TEX11: variants seen among roughly 807,000 people sequenced by gnomAD.
TEX11 encodes testis expressed 11.
In TEX11, 7 loss-of-function variants were observed where a neutral mutation model predicts 84.4. That is an observed-to-expected ratio of 0.08 (90% CI 0.05 to 0.16). The LOEUF is 0.16. Ranked by LOEUF, TEX11 falls within the 10% of genes least tolerant of loss-of-function variation. TEX11 has a pLI of 1.00. For missense variants in TEX11, 551 were observed against 660.5 expected (o/e 0.83, Z 1.82); for synonymous variants, 264 against 222.8 (o/e 1.18, Z -1.64).
At chrX:70,750,930 AAAAATAT>A (rs1297640854) in intron 9 of TEX11, among the ~76,000 whole-genome samples, 1 of 36,989 alleles carries the variant, frequency 2.7e-5, no homozygotes, top group Non-Finnish European at 4.4e-5. Context: ...ATAAAAAAAA[AAAAATAT>A]ATATATATAT....
chrX:70,573,630 A>G (rs2088635026), intron 25 of TEX11, among the ~76,000 whole-genome samples: 4 of 111,518 alleles, frequency 3.6e-5, no homozygotes, highest in Admixed American at 9.6e-5. Context: ...TATTAAGCCA[A>G]TGAAGGAACC....
At chrX:70,847,688 T>C (rs2091486848) in intron 7 of TEX11, among the ~76,000 whole-genome samples, 1 of 111,384 alleles carries the variant, frequency 9.0e-6, no homozygotes, top group African/African-American at 3.3e-5. Context: ...ACCACAGGCA[T>C]GTGCCACCAT....
At chrX:70,525,960 G>A (rs200051952), downstream of TEX11, among the ~76,000 whole-genome samples, 1 of 111,338 alleles carries the variant, frequency 9.0e-6, no homozygotes, top group East Asian at 2.9e-4. Context: ...TCGGCGCGGC[G>A]GGGGTCAGGG....
At chrX:70,841,324 A>T (rs1279377837) in intron 7 of TEX11, among the ~76,000 whole-genome samples, 23 of 111,325 alleles carry the variant, frequency 2.1e-4, no homozygotes, top group Non-Finnish European at 3.8e-4. Context: ...GGATTAAGAA[A>T]CTGACTCAAA....
intron 16 of TEX11, among the ~76,000 whole-genome samples, chrX:70,656,325 G>C (rs1379730284): frequency 9.1e-6 from 1 of 109,925 alleles, no homozygotes; most frequent in Non-Finnish European, 1.9e-5. Context: ...CTACTCAGGA[G>C]GTTAAGGTAG....
chrX:70,789,465 G>C (rs899924578), intron 9 of TEX11, among the ~76,000 whole-genome samples: 11 of 111,379 alleles, frequency 9.9e-5, no homozygotes, highest in African/African-American at 3.6e-4. Context: ...GGTGGCAGGC[G>C]CCTGTGATCC....
intron 9 of TEX11, among the ~76,000 whole-genome samples, chrX:70,746,727 A>AG (rs1191091574): frequency 8.9e-6 from 1 of 112,114 alleles, no homozygotes; most frequent in African/African-American, 3.2e-5. Flanking sequence ...ATTAAGAGGG[A>AG]GCTGGTAGCT....
intron 24 of TEX11, among the ~76,000 whole-genome samples, chrX:70,597,984 C>T (rs932046837): frequency 1.8e-5 from 2 of 111,551 alleles, no homozygotes; most frequent in Non-Finnish European, 3.8e-5. Flanking sequence ...GAGTTTGAGA[C>T]CAACCTGGCC....
At chrX:70,763,785 A>G (rs2090923719) in intron 9 of TEX11, among the ~76,000 whole-genome samples, 1 of 111,072 alleles carries the variant, frequency 9.0e-6, no homozygotes, top group Non-Finnish European at 1.9e-5. Context: ...ACAAGAGGAT[A>G]TAACAATTTT....
chrX:70,710,355 G>C (rs1055754280), intron 13 of TEX11, among the ~76,000 whole-genome samples: 24 of 111,433 alleles, frequency 2.2e-4, no homozygotes, highest in African/African-American at 7.8e-4. Context: ...AATTCTAAAA[G>C]AGGATTAAAG....
intron 8 of TEX11, among the ~76,000 whole-genome samples, chrX:70,826,942 G>A (rs1214530617): frequency 2.7e-5 from 3 of 111,211 alleles, no homozygotes; most frequent in Non-Finnish European, 5.7e-5. Flanking sequence ...GCACAGCAAA[G>A]GGAGGGCTTG....
At chrX:70,750,474 A>T (rs1031847866) in intron 9 of TEX11, among the ~76,000 whole-genome samples, 2 of 111,155 alleles carry the variant, frequency 1.8e-5, no homozygotes, top group South Asian at 3.8e-4. Context: ...ACGCATACGT[A>T]TGTTTATTGC....
At chrX:70,651,134 G>T (rs1166354000) in intron 17 of TEX11, among the ~76,000 whole-genome samples, 1 of 111,714 alleles carries the variant, frequency 9.0e-6, no homozygotes, top group African/African-American at 3.2e-5. Flanking sequence ...CCCACACACA[G>T]CTTTTTAAAT....
At chrX:70,619,359 C>T (rs2089355820) in intron 20 of TEX11, among the ~76,000 whole-genome samples, 1 of 111,651 alleles carries the variant, frequency 9.0e-6, no homozygotes, top group Non-Finnish European at 1.9e-5. Flanking sequence ...AGATAGTCCA[C>T]TAGTTCTGTA....
At chrX:70,732,689 G>C (rs1398611919) in intron 11 of TEX11, among the ~76,000 whole-genome samples, 1 of 111,063 alleles carries the variant, frequency 9.0e-6, no homozygotes, top group Non-Finnish European at 1.9e-5. Flanking sequence ...ATGCTCATGG[G>C]TAGGAAGAAT....
At chrX:70,729,287 C>A (rs764654788) in intron 11 of TEX11, among the ~76,000 whole-genome samples, 51 of 112,304 alleles carry the variant, frequency 4.5e-4, no homozygotes, top group African/African-American at 1.6e-3. Context: ...AGCTCCTTAC[C>A]AGCAACAGAA....
chrX:70,903,299 T>G (rs2091813305), intron 2 of TEX11, among the ~76,000 whole-genome samples: 2 of 111,496 alleles, frequency 1.8e-5, no homozygotes, highest in Non-Finnish European at 3.8e-5. Flanking sequence ...CCATCAAGTA[T>G]TATGTACTGT....
At chrX:70,633,488 T>C (rs746194668) in intron 17 of TEX11, among the ~76,000 whole-genome samples, 3 of 111,719 alleles carry the variant, frequency 2.7e-5, no homozygotes, top group Admixed American at 1.9e-4. Context: ...GATAAGGATG[T>C]CCACTCTCAT....
intron 9 of TEX11, among the ~76,000 whole-genome samples, chrX:70,760,656 C>T (rs1036292228): frequency 8.9e-6 from 1 of 111,840 alleles, no homozygotes; most frequent in Non-Finnish European, 1.9e-5. Context: ...CATAAAAACC[C>T]TAGAAGAAAA....
Sources: gnomAD v4.1 joint callset for allele counts (sites outside exome capture counted in the v4.1 genomes callset) on GRCh38, gnomAD v4.1.1 for gene constraint, MANE v1.5 for transcripts, NCBI Gene and HGNC (gene_info 2026-07-23, HGNC 2026-07-21) for gene names.